SMIM21: variants seen among roughly 807,000 people sequenced by gnomAD.
SMIM21 encodes the protein chromosome 18 open reading frame 62.
A neutral mutation model predicts 8.6 loss-of-function variants in SMIM21; 8 were observed. The observed-to-expected ratio is 0.93, with a 90% CI of 0.55 to 1.68. SMIM21 has a LOEUF of 1.68. Among genes scored for constraint, SMIM21 ranks in the 40% most tolerant of loss-of-function variants. The pLI, the probability that SMIM21 is intolerant of heterozygous loss-of-function variation, is 0.00. For synonymous variants in SMIM21, 43 were observed against 41.7 expected (o/e 1.03, Z -0.12); for missense variants, 132 against 123.0 (o/e 1.07, Z -0.35).
chr18:75,425,283 A>C (rs979371445), intron 1 of SMIM21, among the ~76,000 whole-genome samples: 1 of 152,210 alleles, frequency 6.6e-6, no homozygotes, highest in African/African-American at 2.4e-5. Context: ...CTGAGTTTCC[A>C]GTACATAAGA....
chr18:75,415,342 G>A (rs865814698), intron 2 of SMIM21, among the ~76,000 whole-genome samples: 5 of 152,170 alleles, frequency 3.3e-5, no homozygotes, highest in African/African-American at 1.2e-4. Context: ...TATGGAGATG[G>A]GTGAGAGCTT....
intron 1 of SMIM21, among the ~76,000 whole-genome samples, chr18:75,422,768 AG>A (rs1238632922): frequency 1.3e-5 from 2 of 152,248 alleles, no homozygotes; most frequent in Admixed American, 6.5e-5. Flanking sequence ...GTAAAGCCAT[AG>A]AAACAGGATG....
rs113106350 is a variant in SMIM21, at chr18:75,425,619, C to T, written c.129+1816G>A. 1.8e-3 allele frequency among the ~76,000 whole-genome samples: 267 copies of T among 152,266 alleles called. 2 individuals are homozygous for T. Among genetic ancestry groups the T allele is most frequent in the African/African-American group, 6.0e-3 (249 of 41,546 alleles). On this transcript the variant is annotated intron_variant, in intron 1 of 2. Coordinates refer to ENST00000579022, the MANE Select transcript of SMIM21 (RefSeq NM_001037331.3). ...AACATTTTGTGGTTTAACAGCCCAC[C>T]TAAGTGTGAATCAGTTATCAACTGG...
At chr18:75,425,680 A>C (rs1227899702) in intron 1 of SMIM21, among the ~76,000 whole-genome samples, 1 of 152,222 alleles carries the variant, frequency 6.6e-6, no homozygotes, top group African/African-American at 2.4e-5. Flanking sequence ...GCTGCATGAA[A>C]ATGCTTAGCA....
chr18:75,411,215 C>T (rs770012152), intron 2 of SMIM21, among the ~76,000 whole-genome samples: 3 of 152,194 alleles, frequency 2.0e-5, no homozygotes, highest in Non-Finnish European at 4.4e-5. Flanking sequence ...CCTTACTAGC[C>T]TTGTATAAAG....
Position 75,427,593 on chromosome 18 carries a change from G to A in SMIM21, c.-30C>T. On this transcript the variant is annotated 5_prime_UTR_variant, in exon 1 of 3. Transcript: ENST00000579022. Reference sequence around the variant, plus strand: ...GGGCTGCGGCGGTGACCAGTGAGAGGTCTCCTTGATGACAGCGACTCTGAG... The same window carrying A: ...GGGCTGCGGCGGTGACCAGTGAGAGATCTCCTTGATGACAGCGACTCTGAG... 1 of 1,564,916 alleles carries A rather than the reference G, an allele frequency of 6.4e-7. No individual in the cohort carries two copies.
chr18:75,427,310 G>A (rs547723064), intron 1 of SMIM21, 125 bp downstream of exon 1: 96 of 1,165,644 alleles, frequency 8.2e-5, no homozygotes, highest in African/African-American at 1.7e-4. Flanking sequence ...CTTAAACTTC[G>A]TAGAATCTGG....
intron 2 of SMIM21, among the ~76,000 whole-genome samples, 167 bp downstream of exon 2, chr18:75,418,619 T>A (rs2024674150): frequency 6.6e-6 from 1 of 152,232 alleles, no homozygotes; most frequent in Non-Finnish European, 1.5e-5. Flanking sequence ...TAATTTCCTT[T>A]TTACAAAGTA....
At chr18:75,417,452 G>C (rs1367650877) in intron 2 of SMIM21, 1 of 152,186 alleles carries the variant, frequency 6.6e-6, no homozygotes, top group African/African-American at 2.4e-5. Context: ...TATAACTCAT[G>C]GGATATTGGC....
At position 75,410,645 on chromosome 18, in the gene SMIM21, A is replaced by G. The variant is rs1416365566; in HGVS notation, c.*219T>C. On this transcript the variant is annotated 3_prime_UTR_variant, in exon 3 of 3. Coordinates refer to ENST00000579022, the MANE Select transcript of SMIM21 (RefSeq NM_001037331.3). ...GGTGGCATCTGCAGCTCTCCTCCGGAATATTCCTGAACAGAAAAAGGAAGA... is the reference window on the plus strand; with the variant it reads ...GGTGGCATCTGCAGCTCTCCTCCGGGATATTCCTGAACAGAAAAAGGAAGA... 11 of 1,305,236 alleles carry G rather than the reference A, an allele frequency of 8.4e-6. No individual in the cohort carries two copies. Among genetic ancestry groups the G allele is most frequent in the Non-Finnish European group, 9.9e-6 (10 of 1,007,358 alleles). 80.9% of individuals were successfully genotyped at this position (1,305,236 alleles called of 1,614,324 possible).
At chr18:75,425,023 C>A (rs1197261277) in intron 1 of SMIM21, among the ~76,000 whole-genome samples, 2 of 152,158 alleles carry the variant, frequency 1.3e-5, no homozygotes, top group Non-Finnish European at 1.5e-5. Flanking sequence ...TGGCGATGGG[C>A]GAGTGTATCT....
At position 75,410,516 on chromosome 18, in the gene SMIM21, T is replaced by C. The variant is rs2024571864; in HGVS notation, c.*348A>G. ...GTGAAAGCACTTGCAAGGAAAAAGT[T>C]ACAGCAGCAATTGAAAATATGACTA... On this transcript the variant is annotated 3_prime_UTR_variant, in exon 3 of 3. Transcript: ENST00000579022. 1 of 298,460 alleles carries C rather than the reference T, an allele frequency of 3.4e-6. No individual in the cohort carries two copies. The highest frequency in any genetic ancestry group is 4.7e-5 in the Admixed American group (1 of 21,310). The allele number at this position is 298,460 out of a possible 1,614,324, so 18.5% of individuals were successfully genotyped here. A position where few individuals can be genotyped will look rare whatever the true frequency, so the allele number is the denominator to read the frequency against.
intron 2 of SMIM21, among the ~76,000 whole-genome samples, chr18:75,414,113 A>T (rs1471836583): frequency 2.1e-5 from 3 of 142,014 alleles, no homozygotes; most frequent in Non-Finnish European, 4.8e-5. Context: ...ACACACACAC[A>T]CACACACATA....
intron 1 of SMIM21, among the ~76,000 whole-genome samples, chr18:75,425,800 T>C (rs1417149707): frequency 1.3e-5 from 2 of 152,192 alleles, no homozygotes; most frequent in African/African-American, 2.4e-5. Context: ...CTGAAATCTC[T>C]TCAGCAGCAA....
chr18:75,421,757 A>G (rs756953867), intron 1 of SMIM21, among the ~76,000 whole-genome samples: 2 of 152,118 alleles, frequency 1.3e-5, no homozygotes, highest in Non-Finnish European at 2.9e-5. Context: ...AAATTGTGAG[A>G]GGAGTGGAAC....
chr18:75,420,415 T>C (rs1010224061), intron 1 of SMIM21, among the ~76,000 whole-genome samples: 1 of 152,186 alleles, frequency 6.6e-6, no homozygotes, highest in Non-Finnish European at 1.5e-5. Flanking sequence ...AGGGTCTCTG[T>C]CTCTCTTTTT....
rs186277499 is a variant in SMIM21 at position 75,414,437 on chromosome 18, C to T, written c.261-3528G>A. Among the ~76,000 whole-genome samples, 713 of 152,216 alleles carry T rather than the reference C, an allele frequency of 4.7e-3. 14 individuals are homozygous for T. The highest frequency in any genetic ancestry group is 3.3e-3 in the Non-Finnish European group (223 of 68,018). On this transcript the variant is annotated intron_variant, in intron 2 of 2. Transcript: ENST00000579022. ...TGAAAAGATGCCTCGACATGCCTGC[C>T]GGCTTCCTACTTAAGAGGAACCCAC...
In SMIM21 at chr18:75,410,631, C is replaced by A; in HGVS notation, c.*233G>T. The A allele has an allele frequency of 9.2e-6, 11 of 1,191,268 alleles. No homozygotes were observed. Among genetic ancestry groups the A allele is most frequent in the Non-Finnish European group, 1.2e-5 (11 of 914,076 alleles). 73.8% of individuals were successfully genotyped at this position (1,191,268 alleles called of 1,614,324 possible). A position where few individuals can be genotyped will look rare whatever the true frequency, so the allele number is the denominator to read the frequency against. On this transcript the variant is annotated 3_prime_UTR_variant, in exon 3 of 3. Coordinates refer to ENST00000579022, the MANE Select transcript of SMIM21 (RefSeq NM_001037331.3). Reference sequence around the variant, plus strand: ...ATTTCGCAGGGTTGGGTGGCATCTGCAGCTCTCCTCCGGAATATTCCTGAA... The same window carrying A: ...ATTTCGCAGGGTTGGGTGGCATCTGAAGCTCTCCTCCGGAATATTCCTGAA...
intron 2 of SMIM21, among the ~76,000 whole-genome samples, chr18:75,411,558 A>G (rs564577317): frequency 6.6e-6 from 1 of 152,300 alleles, no homozygotes; most frequent in Admixed American, 6.5e-5. Flanking sequence ...CAGAGGAGGG[A>G]CAGAGGCCTG....
Sources: allele counts gnomAD v4.1 joint callset (sites outside exome capture counted in the v4.1 genomes callset), GRCh38; gene constraint gnomAD v4.1.1; transcripts MANE v1.5; gene names NCBI Gene and HGNC (gene_info 2026-07-23, HGNC 2026-07-21).